The following NUP155 variants were observed in gnomAD, a reference collection of about 807,000 sequenced individuals.
NUP155 encodes the protein nucleoporin 155.
Under a neutral mutation model 180.4 loss-of-function variants are expected in NUP155, and 71 were observed. The observed-to-expected ratio is 0.39, with a 90% CI of 0.33 to 0.48. NUP155 has a LOEUF of 0.48. Among genes scored for constraint, NUP155 ranks in the 20% least tolerant of loss-of-function variants. NUP155 has a pLI of 0.91. For synonymous variants in NUP155, 582 were observed against 559.5 expected, an observed-to-expected ratio of 1.04 and a Z score of -0.57; for missense variants, 1,553 against 1,648.9, an observed-to-expected ratio of 0.94 and a Z score of 1.01.
chr5:37,337,602 A>C (rs961717757), intron 12 of NUP155, among the ~76,000 whole-genome samples: 1 of 152,168 alleles, frequency 6.6e-6, no homozygotes, highest in African/African-American at 2.4e-5. Flanking sequence ...TAAGGGTCCA[A>C]TGTTTTCTTT....
rs756089192 is a variant in NUP155, at chr5:37,351,180, T to A, written c.723+10A>T. 9 of 1,612,736 alleles carry A rather than the reference T, an allele frequency of 5.6e-6. No homozygotes were observed. Among genetic ancestry groups the A allele is most frequent in the Non-Finnish European group, 7.6e-6 (9 of 1,179,092 alleles). On this transcript the variant is annotated intron_variant, in intron 6 of 34. Transcript: ENST00000231498. ...AGAGAAAAAAAAACGTTTACAAATG[T>A]CAGACTTACCTGGTAGGCTACTTCA...
At chr5:37,300,259 T>C (rs1437383474) in intron 30 of NUP155, among the ~76,000 whole-genome samples, 1 of 152,246 alleles carries the variant, frequency 6.6e-6, no homozygotes, top group East Asian at 1.9e-4. Context: ...AGAATGTCTA[T>C]TCCTCAAGCA....
At chr5:37,311,342 G>T (rs1743510220) in intron 22 of NUP155, among the ~76,000 whole-genome samples, 1 of 152,126 alleles carries the variant, frequency 6.6e-6, no homozygotes, top group Non-Finnish European at 1.5e-5. Context: ...AAGGAAGAGA[G>T]CTTTGAAGAT....
Position 37,318,060 on chromosome 5 carries a change from G to C in NUP155, c.2233C>G (p.Leu745Val). ...PNTTAKVQQR[L>V]IGFMRPENGN... The stretch of plus-strand genomic sequence containing the variant: ...TTTTCAGGACGCATGAATCCTATCA[G>C]CCTCTGCTGCACTTTAGCAGTAGTA... Residue 745 changes from leucine to valine, a missense_variant, in exon 21 of 35, where the codon CTG (leucine) becomes GTG (valine). By Grantham distance (32) the Leu-to-Val change is conservative. Transcript: ENST00000231498. The C allele has an allele frequency of 6.2e-7, 1 of 1,610,788 alleles. No homozygotes were observed. Among genetic ancestry groups the C allele is most frequent in the Non-Finnish European group, 8.5e-7 (1 of 1,177,044 alleles).
At position 37,292,929 on chromosome 5, in the gene NUP155, T is replaced by C; in HGVS notation, c.3987A>G (p.Val1329=). The change falls in exon 34 of 35, where the codon GTA becomes GTG. Residue 1329 remains valine (V), a synonymous_variant. Coordinates refer to ENST00000231498, the MANE Select transcript of NUP155 (RefSeq NM_153485.3). ...KPLHLLDCIH[V]LLIRYVENPS... ...GATTCTCAACATATCTTATCAATAA[T>C]ACATGTATACAATCCAAAAGGTGCA... is the stretch of plus-strand genomic sequence containing the variant. 10 of 1,612,474 alleles carry C rather than the reference T, an allele frequency of 6.2e-6. No individual in the cohort carries two copies. The highest frequency in any genetic ancestry group is 8.5e-6 in the Non-Finnish European group (10 of 1,178,858).
intron 12 of NUP155, among the ~76,000 whole-genome samples, chr5:37,335,873 T>C (rs1024485124): frequency 6.6e-6 from 1 of 151,812 alleles, no homozygotes; most frequent in African/African-American, 2.4e-5. Context: ...GGTGCTGAGG[T>C]AGGAGGATCC....
intron 4 of NUP155, among the ~76,000 whole-genome samples, chr5:37,356,025 T>A (rs1363181345): frequency 1.3e-5 from 2 of 149,182 alleles, no homozygotes; most frequent in African/African-American, 5.0e-5. Context: ...AGGTCGGGAG[T>A]TCAAGACCAG....
chr5:37,312,132 G>A (rs1743568574), intron 22 of NUP155, among the ~76,000 whole-genome samples: 1 of 152,144 alleles, frequency 6.6e-6, no homozygotes, highest in African/African-American at 2.4e-5. Context: ...ATCTGATGGA[G>A]AATTCCACAA....
At chr5:37,361,575 G>A (rs967072206) in intron 3 of NUP155, among the ~76,000 whole-genome samples, 6 of 152,156 alleles carry the variant, frequency 3.9e-5, no homozygotes, top group African/African-American at 1.2e-4. Flanking sequence ...AACTGGCACA[G>A]CCTCTTGGAA....
rs759146721 is a variant in NUP155, at chr5:37,370,814, C to T, written c.157+7G>A. On this transcript the variant is annotated splice_region_variant and intron_variant, in intron 1 of 34. Coordinates refer to ENST00000231498, the MANE Select transcript of NUP155 (RefSeq NM_153485.3). ...TAGGTTGAGAAAGCAGGGTCACTATCACTCACTTGGGGCAGACACCATAAG... is the reference window on the plus strand; with the variant it reads ...TAGGTTGAGAAAGCAGGGTCACTATTACTCACTTGGGGCAGACACCATAAG... 11 of 1,614,068 alleles carry T rather than the reference C, an allele frequency of 6.8e-6. No homozygotes were observed. The highest frequency in any genetic ancestry group is 4.0e-5 in the African/African-American group (3 of 74,926).
At chr5:37,368,863 A>G (rs1257301332) in intron 1 of NUP155, among the ~76,000 whole-genome samples, 1 of 152,126 alleles carries the variant, frequency 6.6e-6, no homozygotes, top group Admixed American at 6.6e-5. Flanking sequence ...ATCCTAAAAC[A>G]TAACTTTAAT....
chr5:37,347,949 A>G (rs1396702363), intron 9 of NUP155, among the ~76,000 whole-genome samples: 1 of 152,122 alleles, frequency 6.6e-6, no homozygotes, highest in East Asian at 1.9e-4. Flanking sequence ...ATCCTGGCCA[A>G]CATGGTGAAA....
At position 37,354,675 on chromosome 5, in the gene NUP155, T is replaced by C. The variant is rs139880613; in HGVS notation, c.464-1846A>G. 3.2e-3 allele frequency among the ~76,000 whole-genome samples: 479 copies of C among 151,912 alleles called. 1 individual carries two copies. Among genetic ancestry groups the C allele is most frequent in the African/African-American group, 0.011 (453 of 41,484 alleles). ...TATCACCATGTTGCCCAGGCTGGTCTTGAAGTCTCAGACTCAGGTGATCTG... is the reference window on the plus strand; with the variant it reads ...TATCACCATGTTGCCCAGGCTGGTCCTGAAGTCTCAGACTCAGGTGATCTG... On this transcript the variant is annotated intron_variant, in intron 4 of 34. Coordinates refer to ENST00000231498, the MANE Select transcript of NUP155 (RefSeq NM_153485.3).
In NUP155 at chr5:37,309,247, A is replaced by T. The variant is rs1236196251; in HGVS notation, c.2649T>A (p.Arg883=). The change falls in exon 24 of 35, where the codon CGT becomes CGA. Residue 883 remains arginine (R), a synonymous_variant. Coordinates refer to ENST00000231498, the MANE Select transcript of NUP155 (RefSeq NM_153485.3). ...ICSKANELLQ[R]SRQVQNKTEK... ...CAGTCTTATTTTGAACTTGTCGGGA[A>T]CGCTGGAGAAGCTCATTTGCCTAGA... The T allele has an allele frequency of 1.9e-6, 3 of 1,611,456 alleles. No homozygotes were observed. In the East Asian group the frequency reaches 6.7e-5, roughly 36 times the overall value.
At chr5:37,319,677 G>A (rs1206990277) in intron 20 of NUP155, among the ~76,000 whole-genome samples, 1 of 152,084 alleles carries the variant, frequency 6.6e-6, no homozygotes, top group African/African-American at 2.4e-5. Flanking sequence ...ATCAACGTGG[G>A]CAAAACAGTG....
At chr5:37,325,386 C>T (rs1744524756) in intron 19 of NUP155, among the ~76,000 whole-genome samples, 1 of 152,080 alleles carries the variant, frequency 6.6e-6, no homozygotes, top group South Asian at 2.1e-4. Flanking sequence ...AAGTAATTTA[C>T]TCATATTCAG....
chr5:37,346,365 C>T (rs999462429), intron 9 of NUP155, among the ~76,000 whole-genome samples: 2 of 152,040 alleles, frequency 1.3e-5, no homozygotes, highest in African/African-American at 2.4e-5. Flanking sequence ...AATTTGAGGC[C>T]TTCATTATAA....
At chr5:37,313,489 G>A (rs573839037) in intron 22 of NUP155, among the ~76,000 whole-genome samples, 1 of 150,024 alleles carries the variant, frequency 6.7e-6, no homozygotes, top group East Asian at 1.9e-4. Context: ...GTGTGTGTGT[G>A]TGTGTGTGTG....
At chr5:37,319,672 C>T (rs541044292) in intron 20 of NUP155, among the ~76,000 whole-genome samples, 1 of 152,162 alleles carries the variant, frequency 6.6e-6, no homozygotes, top group South Asian at 2.1e-4. Flanking sequence ...GCAAGATCAA[C>T]GTGGGCAAAA....
Sources: gnomAD v4.1 joint callset for allele counts (sites outside exome capture counted in the v4.1 genomes callset) on GRCh38, gnomAD v4.1.1 for gene constraint, MANE v1.5 for transcripts, NCBI Gene and HGNC (gene_info 2026-07-23, HGNC 2026-07-21) for gene names.